LRRC4C: variants seen among roughly 807,000 people sequenced by gnomAD.
LRRC4C encodes leucine rich repeat containing 4C.
A neutral mutation model predicts 33.6 loss-of-function variants in LRRC4C; 5 were observed. The observed-to-expected ratio is 0.15, with a 90% CI of 0.08 to 0.31. The LOEUF (loss-of-function observed/expected upper bound fraction) is 0.31, where lower values mean the gene tolerates loss of function less well. Among genes scored for constraint, LRRC4C ranks in the 10% least tolerant of loss-of-function variants. The probability of loss-of-function intolerance (pLI) is 1.00; values close to 1 mark genes in which losing one functional copy is unlikely to be tolerated. For synonymous variants in LRRC4C, 329 were observed against 302.0 expected (o/e 1.09, Z -0.93); for missense variants, 560 against 796.7 (o/e 0.70, Z 3.58).
intron 6 of LRRC4C, among the ~76,000 whole-genome samples, chr11:40,116,747 C>G (rs1855465145): frequency 6.6e-6 from 1 of 152,142 alleles, no homozygotes; most frequent in South Asian, 2.1e-4. Flanking sequence ...GTAGTAATAG[C>G]TGACATATTA....
In LRRC4C at chr11:40,595,820, G is replaced by A. The variant is rs554939807; in HGVS notation, c.-270+52322C>T. 1.5e-4 allele frequency among the ~76,000 whole-genome samples: 23 copies of A among 152,196 alleles called. No individual in the cohort carries two copies. In the East Asian group the frequency reaches 4.3e-3, roughly 28 times the overall value. On this transcript the variant is annotated intron_variant, in intron 3 of 6. Transcript: ENST00000528697. Reference sequence around the variant, plus strand: ...TCAATTTCTTAGAAACATAGTGAGAGCTTTCAGAGGAGCTAAAAGAGAAGA... The same window carrying A: ...TCAATTTCTTAGAAACATAGTGAGAACTTTCAGAGGAGCTAAAAGAGAAGA...
intron 3 of LRRC4C, among the ~76,000 whole-genome samples, chr11:40,600,310 T>C (rs1591238516): frequency 6.6e-6 from 1 of 152,278 alleles, no homozygotes; most frequent in Middle Eastern, 3.4e-3. Flanking sequence ...TATTGTTTTT[T>C]CTCCCTTTAA....
At chr11:40,542,003 CCTAT>C (rs1956727389) in intron 3 of LRRC4C, among the ~76,000 whole-genome samples, 1 of 151,774 alleles carries the variant, frequency 6.6e-6, no homozygotes, top group African/African-American at 2.4e-5. Context: ...TAACATTGAC[CCTAT>C]CTTTCTTCTT....
chr11:40,711,836 C>T (rs1946480959), intron 2 of LRRC4C, among the ~76,000 whole-genome samples: 1 of 151,624 alleles, frequency 6.6e-6, no homozygotes, highest in Non-Finnish European at 1.5e-5. Context: ...AAGTTGGAAA[C>T]ATAAATGCAT....
chr11:41,457,799 C>T (rs1257483113), intron 1 of LRRC4C, among the ~76,000 whole-genome samples: 1 of 152,032 alleles, frequency 6.6e-6, no homozygotes, highest in Non-Finnish European at 1.5e-5. Flanking sequence ...GTACCAGGTA[C>T]AAGGTTGCTC....
intron 5 of LRRC4C, among the ~76,000 whole-genome samples, chr11:40,179,371 T>C (rs1464839620): frequency 6.6e-6 from 1 of 152,188 alleles, no homozygotes; most frequent in African/African-American, 2.4e-5. Flanking sequence ...AAGTTTCTTG[T>C]TGAGTCCTCA....
In LRRC4C at chr11:40,356,897, C is replaced by A. The variant is rs143366753; in HGVS notation, c.-269-37176G>T. Among the ~76,000 whole-genome samples, 566 of 152,124 alleles carry A rather than the reference C, an allele frequency of 3.7e-3. 3 individuals carry two copies. The highest frequency in any genetic ancestry group is 0.013 in the African/African-American group (529 of 41,514). ...AATTACTTTATACATTTACACCAAC[C>A]ATTAGAAGAAAGGCTGTTATTGTTC... On this transcript the variant is annotated intron_variant, in intron 3 of 6. Coordinates refer to ENST00000528697, the MANE Select transcript of LRRC4C (RefSeq NM_001258419.2).
intron 1 of LRRC4C, among the ~76,000 whole-genome samples, chr11:41,277,612 A>G (rs1432992930): frequency 6.6e-6 from 1 of 152,134 alleles, no homozygotes; most frequent in Non-Finnish European, 1.5e-5. Context: ...CTGTAGTACA[A>G]GCCCAAATGC....
chr11:40,756,944 G>A (rs542954692), intron 2 of LRRC4C, among the ~76,000 whole-genome samples: 1 of 151,924 alleles, frequency 6.6e-6, no homozygotes, highest in South Asian at 2.1e-4. Flanking sequence ...GAGAGCAAAA[G>A]TGGACATCCC....
At chr11:40,333,443 G>T (rs551588595) in intron 3 of LRRC4C, among the ~76,000 whole-genome samples, 1 of 151,984 alleles carries the variant, frequency 6.6e-6, no homozygotes, top group African/African-American at 2.4e-5. Flanking sequence ...ATGGCCTGGC[G>T]TGGTGGCTCA....
chr11:41,189,514 A>G (rs1481296224), intron 1 of LRRC4C, among the ~76,000 whole-genome samples: 1 of 152,136 alleles, frequency 6.6e-6, no homozygotes, highest in Non-Finnish European at 1.5e-5. Flanking sequence ...CAAAATGGGA[A>G]AGTTTAAATG....
At chr11:40,303,075 G>T (rs1383396592) in intron 4 of LRRC4C, among the ~76,000 whole-genome samples, 1 of 152,048 alleles carries the variant, frequency 6.6e-6, no homozygotes, top group Non-Finnish European at 1.5e-5. Flanking sequence ...ATCACTGAGG[G>T]CTAATAAGAA....
intron 5 of LRRC4C, among the ~76,000 whole-genome samples, chr11:40,193,869 C>A (rs1862043563): frequency 6.6e-6 from 1 of 151,902 alleles, no homozygotes; most frequent in South Asian, 2.1e-4. Context: ...GATTGAAGAT[C>A]AACTTAATGA....
At chr11:41,254,318 A>T (rs989423118) in intron 1 of LRRC4C, among the ~76,000 whole-genome samples, 5 of 152,030 alleles carry the variant, frequency 3.3e-5, no homozygotes, top group Non-Finnish European at 7.4e-5. Context: ...GTCGGGAATC[A>T]TTGGTCTACG....
chr11:41,023,221 C>A (rs1856107346), intron 1 of LRRC4C, among the ~76,000 whole-genome samples: 1 of 151,652 alleles, frequency 6.6e-6, no homozygotes, highest in Non-Finnish European at 1.5e-5. Flanking sequence ...ATATATAAAT[C>A]ATATTAACAA....
At chr11:40,278,160 C>A (rs1219840884) in intron 4 of LRRC4C, among the ~76,000 whole-genome samples, 1 of 152,130 alleles carries the variant, frequency 6.6e-6, no homozygotes, top group African/African-American at 2.4e-5. Flanking sequence ...TTGAACTTGG[C>A]AAGCAATCAT....
At chr11:41,296,507 G>T (rs1222527807) in intron 1 of LRRC4C, among the ~76,000 whole-genome samples, 2 of 151,986 alleles carry the variant, frequency 1.3e-5, no homozygotes, top group Admixed American at 1.3e-4. Flanking sequence ...TAGAGACGGG[G>T]TTTCACCATG....
At chr11:40,253,485 A>C (rs992037386) in intron 4 of LRRC4C, among the ~76,000 whole-genome samples, 3 of 152,172 alleles carry the variant, frequency 2.0e-5, no homozygotes, top group Non-Finnish European at 4.4e-5. Context: ...AATCTCAATA[A>C]GCCTCAGTTA....
chr11:41,058,937 A>C (rs934696901), intron 1 of LRRC4C, among the ~76,000 whole-genome samples: 9 of 152,186 alleles, frequency 5.9e-5, no homozygotes, highest in Admixed American at 5.9e-4. Flanking sequence ...CATTATTCTA[A>C]GGGAACTAAT....
Sources: allele counts gnomAD v4.1 joint callset (sites outside exome capture counted in the v4.1 genomes callset), GRCh38; gene constraint gnomAD v4.1.1; transcripts MANE v1.5; gene names NCBI Gene and HGNC (gene_info 2026-07-23, HGNC 2026-07-21).